The following NIPBL variants were observed in gnomAD, a reference collection of about 807,000 sequenced individuals.
The protein encoded by NIPBL is NIPBL cohesin loading factor, also known as nipped-B-like protein.
Under a neutral mutation model 321.8 loss-of-function variants are expected in NIPBL, and 19 were observed. The observed-to-expected ratio is 0.06, with a 90% CI of 0.04 to 0.09. The LOEUF (loss-of-function observed/expected upper bound fraction) is 0.09, where lower values mean the gene tolerates loss of function less well. Among genes scored for constraint, NIPBL ranks in the 10% least tolerant of loss-of-function variants. The pLI, the probability that NIPBL is intolerant of heterozygous loss-of-function variation, is 1.00. For synonymous variants in NIPBL, 1,106 were observed against 1,114.1 expected (o/e 0.99, Z 0.14); for missense variants, 2,210 against 3,327.0 (o/e 0.66, Z 8.26).
intron 6 of NIPBL, among the ~76,000 whole-genome samples, chr5:36,966,545 C>G (rs979018202): frequency 1.3e-5 from 2 of 151,952 alleles, no homozygotes; most frequent in African/African-American, 4.8e-5. Flanking sequence ...ATATTTTTCC[C>G]TTTGCAATTA....
chr5:37,014,864 A>G (rs1299017414), intron 22 of NIPBL, 99 bp downstream of exon 22: 9 of 748,066 alleles, frequency 1.2e-5, no homozygotes, highest in African/African-American at 3.5e-5. Context: ...CATAATCTGA[A>G]CCTTGAATAC....
chr5:36,910,663 C>CT (rs1747980167), intron 1 of NIPBL, among the ~76,000 whole-genome samples: 1 of 152,104 alleles, frequency 6.6e-6, no homozygotes, highest in Admixed American at 6.5e-5. Context: ...CCTCTTTACT[C>CT]TATAATTTAT....
chr5:36,979,469 G>T (rs1288211791), intron 9 of NIPBL, among the ~76,000 whole-genome samples: 1 of 151,628 alleles, frequency 6.6e-6, no homozygotes, highest in Non-Finnish European at 1.5e-5. Flanking sequence ...AAGTTATCAG[G>T]TCTATGAATC....
At chr5:36,885,688 T>C (rs1745843280) in intron 1 of NIPBL, 1 of 578,794 alleles carries the variant, frequency 1.7e-6, no homozygotes, top group Admixed American at 1.9e-5. Flanking sequence ...TTGCTGCTGA[T>C]GGCTTTAGAG....
At chr5:36,988,476 T>C (rs1745102289) in intron 10 of NIPBL, among the ~76,000 whole-genome samples, 1 of 152,192 alleles carries the variant, frequency 6.6e-6, no homozygotes, top group Non-Finnish European at 1.5e-5. Context: ...TTTGGATTAA[T>C]TTATTTATGT....
chr5:37,063,644 G>A, intron 45 of NIPBL, 146 bp from the exon 46 acceptor site: 1 of 766,974 alleles, frequency 1.3e-6, no homozygotes, highest in Admixed American at 2.7e-5. Context: ...GCTGTTTACA[G>A]AAAATGTTTA....
At chr5:37,015,628 G>C (rs552272613) in intron 22 of NIPBL, among the ~76,000 whole-genome samples, 2 of 152,118 alleles carry the variant, frequency 1.3e-5, no homozygotes, top group African/African-American at 2.4e-5. Flanking sequence ...TACTTGAGAG[G>C]CTGAGGCAGG....
At chr5:36,959,219 A>G (rs147107816) in intron 4 of NIPBL, among the ~76,000 whole-genome samples, 3 of 152,346 alleles carry the variant, frequency 2.0e-5, no homozygotes, top group African/African-American at 7.2e-5. Context: ...AACAAAAAGA[A>G]AAAATAAATA....
At position 37,036,343 on chromosome 5, in the gene NIPBL, A is replaced by ATATG. The variant is rs1421395530; in HGVS notation, c.5863-32_5863-29dup. ...ATTTTTTTTTCTTTTTTGTATATAT[A>ATATG]TATGTATATATATATATATATATAT... On this transcript the variant is annotated intron_variant, in intron 32 of 46. Coordinates refer to ENST00000282516, the MANE Select transcript of NIPBL (RefSeq NM_133433.4). The ATATG allele has an allele frequency of 6.6e-6, 3 of 457,494 alleles. No individual in the cohort carries two copies. In the African/African-American group the frequency reaches 1.3e-4, roughly 19 times the overall value. 28.3% of individuals were successfully genotyped at this position (457,494 alleles called of 1,614,324 possible).
rs894352601 is a variant in NIPBL at position 36,976,154 on chromosome 5, C to G, written c.1247C>G (p.Ala416Gly). 6.2e-7 allele frequency: 1 copy of G among 1,613,326 alleles called. No individual in the cohort carries two copies. The highest frequency in any genetic ancestry group is 8.5e-7 in the Non-Finnish European group (1 of 1,179,466). ...TPQDINRPLN[A>G]AQCLSQQEQT... ...CAAGATATAAACCGCCCACTAAATG[C>G]TGCTCAATGTTTGTCGCAGCAAGAA... Residue 416 changes from alanine (A) to glycine (G), a missense_variant, in exon 9 of 47, where the codon GCT becomes GGT. By Grantham distance (60) the Ala-to-Gly change is moderately conservative (BLOSUM62 0). Coordinates refer to ENST00000282516, the MANE Select transcript of NIPBL (RefSeq NM_133433.4).
At chr5:36,883,424 T>C (rs1580136254) in intron 1 of NIPBL, among the ~76,000 whole-genome samples, 1 of 152,086 alleles carries the variant, frequency 6.6e-6, no homozygotes, top group Admixed American at 6.5e-5. Context: ...AATTTTAAAA[T>C]GCTGGATTTC....
In NIPBL at chr5:36,926,372, TG is replaced by T. The variant is rs753627153; in HGVS notation, c.-79-27244del. Among the ~76,000 whole-genome samples the T allele has an allele frequency of 3.1e-4, 47 of 152,310 alleles. 1 individual carries two copies. The highest frequency in any genetic ancestry group is 1.8e-3 in the Admixed American group (27 of 15,306). ...TGGAGGTTACTTGGAGGTATTCAGCTGGTAGATGGGCTGGCCAGAATAGTTC... is the reference window on the plus strand; with the variant it reads ...TGGAGGTTACTTGGAGGTATTCAGCTGTAGATGGGCTGGCCAGAATAGTTC... On this transcript the variant is annotated intron_variant, in intron 1 of 46. Coordinates refer to ENST00000282516, the MANE Select transcript of NIPBL (RefSeq NM_133433.4).
rs1744597297 is a variant in NIPBL, at chr5:36,985,105, C to T, written c.1925C>T (p.Thr642Ile). 1 of 1,613,706 alleles carries T rather than the reference C, an allele frequency of 6.2e-7. No homozygotes were observed. The highest frequency in any genetic ancestry group is 8.5e-7 in the Non-Finnish European group (1 of 1,179,904). The change falls in exon 10 of 47, where the codon ACT becomes ATT. Residue 642 changes from threonine (T) to isoleucine (I), a missense_variant. Coordinates refer to ENST00000282516, the MANE Select transcript of NIPBL (RefSeq NM_133433.4). ...AAATCAAGTGAAAATAAGTTAGAAA[C>T]TAAAGTTGAGACCCAAACAGAAGAA... ...ETKSSENKLE[T>I]KVETQTEELK...
chr5:36,944,731 G>A (rs1377868813), intron 1 of NIPBL, among the ~76,000 whole-genome samples: 2 of 151,588 alleles, frequency 1.3e-5, no homozygotes, highest in African/African-American at 2.4e-5. Context: ...AATCTTTGAT[G>A]TGCTAGTAAA....
chr5:37,006,154 A>G (rs1747403223), intron 16 of NIPBL, among the ~76,000 whole-genome samples: 2 of 152,164 alleles, frequency 1.3e-5, no homozygotes, highest in Non-Finnish European at 2.9e-5. Context: ...GAAATGAGGT[A>G]GAGTATATCA....
chr5:36,961,716 A>G lies in NIPBL; in HGVS notation c.458+133A>G, dbSNP rs1052512957. 4 of 722,440 alleles carry G rather than the reference A, an allele frequency of 5.5e-6. No homozygotes were observed. In the Admixed American group the frequency reaches 6.5e-5, roughly 12 times the overall value. The allele number at this position is 722,440 out of a possible 1,614,324, so 44.8% of individuals were successfully genotyped here. The stretch of plus-strand genomic sequence containing the variant: ...AGTTGAAATACTTAAATAGTAATCC[A>G]CTTTGCATTTGCCTTAAAATGTTGT... On this transcript the variant is annotated intron_variant, in intron 5 of 46. Coordinates refer to ENST00000282516, the MANE Select transcript of NIPBL (RefSeq NM_133433.4).
At chr5:36,948,648 AAAAG>A (rs1739948049) in intron 1 of NIPBL, among the ~76,000 whole-genome samples, 1 of 151,892 alleles carries the variant, frequency 6.6e-6, no homozygotes, top group African/African-American at 2.4e-5. Context: ...ACAAATTTTG[AAAAG>A]AAAGGTTATG....
At chr5:37,064,130 T>C (rs919931161) in intron 46 of NIPBL, 152 bp downstream of exon 46, 7 of 1,437,296 alleles carry the variant, frequency 4.9e-6, no homozygotes, top group Non-Finnish European at 6.4e-6. Context: ...ACTTACCCGT[T>C]TATACATCCT....
chr5:36,877,686 G>A (rs1223687262), intron 1 of NIPBL, among the ~76,000 whole-genome samples: 2 of 152,250 alleles, frequency 1.3e-5, no homozygotes, highest in African/African-American at 4.8e-5. Flanking sequence ...CCCATGAAGG[G>A]AGGAAGTAGT....
Sources: gnomAD v4.1 joint callset for allele counts (sites outside exome capture counted in the v4.1 genomes callset) on GRCh38, gnomAD v4.1.1 for gene constraint, MANE v1.5 for transcripts, NCBI Gene and HGNC (gene_info 2026-07-23, HGNC 2026-07-21) for gene names.